DEUP1: variants seen among roughly 807,000 people sequenced by gnomAD.
The protein encoded by DEUP1 is coiled-coil domain containing 67.
In DEUP1, 82 loss-of-function variants were observed where a neutral mutation model predicts 87.4. The ratio of observed to expected loss-of-function variants is 0.94; its 90% CI spans 0.78 to 1.13. The LOEUF (loss-of-function observed/expected upper bound fraction) is 1.13, where lower values mean the gene tolerates loss of function less well. Ranked by LOEUF, DEUP1 falls within the 50% of genes most tolerant of loss-of-function variation. DEUP1 has a pLI of 0.00. For synonymous variants in DEUP1, 214 were observed against 222.7 expected (o/e 0.96, Z 0.35); for missense variants, 663 against 681.5 (o/e 0.97, Z 0.30).
intron 11 of DEUP1, among the ~76,000 whole-genome samples, chr11:93,403,373 G>C (rs549394386): frequency 6.6e-6 from 1 of 151,864 alleles, no homozygotes; most frequent in Non-Finnish European, 1.5e-5. Flanking sequence ...AGAGTACTTG[G>C]TATATCCAAG....
At chr11:93,372,734 G>T (rs533913150) in intron 7 of DEUP1, among the ~76,000 whole-genome samples, 1 of 152,264 alleles carries the variant, frequency 6.6e-6, no homozygotes, top group East Asian at 1.9e-4. Flanking sequence ...ATACAAGTTA[G>T]AATACAGATG....
At chr11:93,362,128 G>C (rs1374369627) in intron 4 of DEUP1, among the ~76,000 whole-genome samples, 1 of 151,950 alleles carries the variant, frequency 6.6e-6, no homozygotes, top group Non-Finnish European at 1.5e-5. Context: ...AGAAAACATA[G>C]GAGTAAATCT....
At chr11:93,387,393 T>A (rs1946612329) in intron 8 of DEUP1, among the ~76,000 whole-genome samples, 1 of 152,160 alleles carries the variant, frequency 6.6e-6, no homozygotes, top group Non-Finnish European at 1.5e-5. Context: ...GTAATGTTCT[T>A]ATTCATTTTC....
chr11:93,367,675 G>A (rs1446556996), intron 5 of DEUP1, among the ~76,000 whole-genome samples: 1 of 152,100 alleles, frequency 6.6e-6, no homozygotes, highest in Admixed American at 6.6e-5. Flanking sequence ...ACAGAACCTG[G>A]TGGACATTAA....
intron 13 of DEUP1, among the ~76,000 whole-genome samples, chr11:93,419,630 C>T (rs917123012): frequency 6.6e-6 from 1 of 151,948 alleles, no homozygotes. Context: ...GAGATGAAAT[C>T]GATCTCAAGG....
At chr11:93,333,945 C>T (rs1465776329) in intron 2 of DEUP1, among the ~76,000 whole-genome samples, 1 of 152,100 alleles carries the variant, frequency 6.6e-6, no homozygotes, top group African/African-American at 2.4e-5. Flanking sequence ...AGGTTGGGTC[C>T]CAGATATCAC....
intron 13 of DEUP1, among the ~76,000 whole-genome samples, chr11:93,436,360 A>G (rs901622036): frequency 8.5e-5 from 13 of 152,254 alleles, no homozygotes; most frequent in African/African-American, 2.4e-4. Context: ...CTTCATTAAC[A>G]TAACTTTGGG....
chr11:93,363,681 AATTT>A (rs1945284316), intron 4 of DEUP1, among the ~76,000 whole-genome samples: 1 of 151,900 alleles, frequency 6.6e-6, no homozygotes, highest in African/African-American at 2.4e-5. Context: ...TTGATATTAA[AATTT>A]ATTTAAACGT....
At chr11:93,416,369 A>G (rs938798500) in intron 13 of DEUP1, among the ~76,000 whole-genome samples, 3 of 152,218 alleles carry the variant, frequency 2.0e-5, no homozygotes, top group African/African-American at 7.2e-5. Context: ...GATCCCACAG[A>G]AATACAAACT....
chr11:93,414,379 G>C (rs548983856), intron 12 of DEUP1, among the ~76,000 whole-genome samples: 1 of 152,218 alleles, frequency 6.6e-6, no homozygotes, highest in South Asian at 2.1e-4. Flanking sequence ...CTGGCGTGGT[G>C]GCGGGCGCCT....
In DEUP1 at chr11:93,371,080, C is replaced by T. The variant is rs752162509; in HGVS notation, c.589C>T (p.Gln197Ter). Residue 197 changes from glutamine (Q) to a stop codon, truncating the protein, a stop_gained, in exon 7 of 14, where the codon CAG becomes TAG. Coordinates refer to ENST00000298050, the MANE Select transcript of DEUP1 (RefSeq NM_181645.4). LOFTEE classifies it high-confidence loss of function. Reference protein sequence around the residue: ...SYQTQLNGKKQCLEDSSSEIP... With the variant: ...SYQTQLNGKK ...CCAAACTCAACTAAATGGTAAAAAA[C>T]AGTGCTTAGAAGACAGCAGCTCTGA... The T allele has an allele frequency of 6.2e-7, 1 of 1,611,988 alleles. No individual in the cohort carries two copies. The highest frequency in any genetic ancestry group is 8.5e-7 in the Non-Finnish European group (1 of 1,178,778).
At chr11:93,401,394 T>C (rs568516378) in intron 11 of DEUP1, among the ~76,000 whole-genome samples, 20 of 152,048 alleles carry the variant, frequency 1.3e-4, no homozygotes, top group Non-Finnish European at 2.4e-4. Context: ...TTCAGTGTGA[T>C]CCCTATCAAA....
At position 93,344,884 on chromosome 11, in the gene DEUP1, G is replaced by T. The variant is rs531626439; in HGVS notation, c.30-10487G>T. Among the ~76,000 whole-genome samples, 36 of 150,858 alleles carry T rather than the reference G, an allele frequency of 2.4e-4. No homozygotes were observed. In the Admixed American group the frequency reaches 2.4e-3, roughly 10 times the overall value. On this transcript the variant is annotated intron_variant, in intron 2 of 13. Coordinates refer to ENST00000298050, the MANE Select transcript of DEUP1 (RefSeq NM_181645.4). The stretch of plus-strand genomic sequence containing the variant: ...TAACTTTTTTTTTTTAAGTTCAAAG[G>T]TGCATGTTGAGGTTTGTTATCTAGG...
At position 93,435,138 on chromosome 11, in the gene DEUP1, G is replaced by A. The variant is rs540561090; in HGVS notation, c.1639-2405G>A. Among the ~76,000 whole-genome samples the A allele has an allele frequency of 4.6e-5, 7 of 152,248 alleles. No homozygotes were observed. In the East Asian group the frequency reaches 7.7e-4, roughly 17 times the overall value. ...TGGTGCAGCCAGGAAAGGCAAACAC[G>A]CAGAATTCATATCCATTCTGATAAG... is the stretch of plus-strand genomic sequence containing the variant. On this transcript the variant is annotated intron_variant, in intron 13 of 13. Transcript: ENST00000298050.
intron 2 of DEUP1, among the ~76,000 whole-genome samples, chr11:93,336,876 G>T (rs888959544): frequency 2.5e-4 from 38 of 152,180 alleles, no homozygotes; most frequent in Admixed American, 2.1e-3. Context: ...ATCCTTCTAG[G>T]TTTGACCTTC....
intron 12 of DEUP1, among the ~76,000 whole-genome samples, chr11:93,409,331 T>C (rs1947370299): frequency 1.3e-5 from 2 of 152,316 alleles, no homozygotes; most frequent in Admixed American, 6.5e-5. Flanking sequence ...TATTCAAAAT[T>C]AAAATCTATC....
At chr11:93,388,516 T>G (rs1308594373) in intron 8 of DEUP1, among the ~76,000 whole-genome samples, 4 of 152,196 alleles carry the variant, frequency 2.6e-5, no homozygotes, top group African/African-American at 9.6e-5. Context: ...AATTCCACTT[T>G]ATAAATTAAG....
chr11:93,363,107 G>A (rs1031578601), intron 4 of DEUP1, among the ~76,000 whole-genome samples: 7 of 151,850 alleles, frequency 4.6e-5, no homozygotes, highest in Non-Finnish European at 8.9e-5. Context: ...ATTAAGCTGA[G>A]TGAAAAAAAT....
At chr11:93,336,725 C>T (rs910167709) in intron 2 of DEUP1, among the ~76,000 whole-genome samples, 7 of 152,258 alleles carry the variant, frequency 4.6e-5, no homozygotes, top group Non-Finnish European at 8.8e-5. Flanking sequence ...TGCCTGGATT[C>T]GAATGCCAGT....
Sources: gnomAD v4.1 joint callset for allele counts (sites outside exome capture counted in the v4.1 genomes callset) on GRCh38, gnomAD v4.1.1 for gene constraint, MANE v1.5 for transcripts, NCBI Gene and HGNC (gene_info 2026-07-23, HGNC 2026-07-21) for gene names.